Variants in OLFML1 observed in about 807,000 individuals in gnomAD.
OLFML1 encodes olfactomedin-like protein 1.
A neutral mutation model predicts 37.3 loss-of-function variants in OLFML1; 33 were observed. The ratio of observed to expected loss-of-function variants is 0.88; its 90% confidence interval spans 0.67 to 1.18. The LOEUF (loss-of-function observed/expected upper bound fraction) is 1.18. Among genes scored for constraint, OLFML1 ranks in the 50% most tolerant of loss-of-function variants. The probability of loss-of-function intolerance (pLI) is 0.00; values close to 1 mark genes in which losing one functional copy is unlikely to be tolerated. For missense variants in OLFML1, 545 were observed against 483.7 expected, an observed-to-expected ratio of 1.13 and a Z score of -1.19; for synonymous variants, 186 against 181.3, an observed-to-expected ratio of 1.03 and a Z score of -0.21.
chr11:7,492,903 A>G (rs573652592), intron 2 of OLFML1, among the ~76,000 whole-genome samples: 2 of 152,334 alleles, frequency 1.3e-5, no homozygotes, highest in East Asian at 3.9e-4. Flanking sequence ...TTGATAATTT[A>G]TGACAAAGAA....
At chr11:7,491,305 C>T (rs1848594631) in intron 2 of OLFML1, among the ~76,000 whole-genome samples, 1 of 152,110 alleles carries the variant, frequency 6.6e-6, no homozygotes, top group Admixed American at 6.5e-5. Flanking sequence ...TCTCACATAT[C>T]CGACCACACA....
At chr11:7,492,968 C>G (rs1848616603) in intron 2 of OLFML1, among the ~76,000 whole-genome samples, 1 of 152,136 alleles carries the variant, frequency 6.6e-6, no homozygotes, top group Admixed American at 6.5e-5. Flanking sequence ...GTCTGATACT[C>G]TTTGGAAGAT....
At chr11:7,491,377 T>C (rs151191962) in intron 2 of OLFML1, among the ~76,000 whole-genome samples, 3 of 152,152 alleles carry the variant, frequency 2.0e-5, no homozygotes, top group African/African-American at 7.2e-5. Context: ...CTTTTCTGCA[T>C]TCACAGAGCC....
chr11:7,486,465 T>A (rs1223085282), intron 1 of OLFML1, among the ~76,000 whole-genome samples: 1 of 152,248 alleles, frequency 6.6e-6, no homozygotes, highest in Non-Finnish European at 1.5e-5. Flanking sequence ...TTGTCTTTTA[T>A]GATAAACCAT....
chr11:7,494,396 A>G (rs1258668806), intron 2 of OLFML1, among the ~76,000 whole-genome samples: 2 of 152,226 alleles, frequency 1.3e-5, no homozygotes, highest in African/African-American at 4.8e-5. Flanking sequence ...TAAGCATTTT[A>G]CCTATCTCAC....
At chr11:7,499,244 G>A (rs542786432) in intron 2 of OLFML1, among the ~76,000 whole-genome samples, 26 of 152,354 alleles carry the variant, frequency 1.7e-4, no homozygotes, top group Non-Finnish European at 2.9e-5. Flanking sequence ...AATTCTGCCT[G>A]AGGGGGAAAC....
intron 2 of OLFML1, among the ~76,000 whole-genome samples, chr11:7,496,764 A>G (rs1848666891): frequency 6.6e-6 from 1 of 152,210 alleles, no homozygotes; most frequent in South Asian, 2.1e-4. Context: ...AATAAAAATG[A>G]GAAGTTCGTA....
Position 7,510,906 on chromosome 11 carries a change from A to C in OLFML1, c.*718A>C, listed in dbSNP as rs2134191317. 6.6e-6 allele frequency: 1 copy of C among 152,364 alleles called. No individual in the cohort carries two copies. 9.4% of individuals were successfully genotyped at this position (152,364 alleles called of 1,614,324 possible). ...AATAAAGTGAAAATATTAACATTTGAATATCGCTTTCCAGGTGTGGAGTGT... is the reference window on the plus strand; with the variant it reads ...AATAAAGTGAAAATATTAACATTTGCATATCGCTTTCCAGGTGTGGAGTGT... On this transcript the variant is annotated 3_prime_UTR_variant, in exon 3 of 3. Coordinates refer to ENST00000329293, the MANE Select transcript of OLFML1 (RefSeq NM_198474.4).
intron 2 of OLFML1, among the ~76,000 whole-genome samples, chr11:7,499,779 CA>C (rs776563215): frequency 7.2e-5 from 11 of 152,294 alleles, no homozygotes; most frequent in Non-Finnish European, 1.5e-4. Flanking sequence ...GTTATTTCTC[CA>C]AGGGTTCTGC....
At chr11:7,504,332 G>A (rs180981912) in intron 2 of OLFML1, among the ~76,000 whole-genome samples, 1 of 152,166 alleles carries the variant, frequency 6.6e-6, no homozygotes, top group Non-Finnish European at 1.5e-5. Flanking sequence ...TAGGGGACAA[G>A]GAGAGGGAGA....
At chr11:7,493,885 A>ATGT (rs139976124) in intron 2 of OLFML1, among the ~76,000 whole-genome samples, 14,752 of 152,282 alleles carry the variant, frequency 0.097, 938 homozygotes, top group Non-Finnish European at 0.15. Context: ...TAGAGATAGA[A>ATGT]TGTTGGACAG....
chr11:7,506,773 TGA>T (rs1436247202), intron 2 of OLFML1, among the ~76,000 whole-genome samples: 1 of 151,926 alleles, frequency 6.6e-6, no homozygotes, highest in Non-Finnish European at 1.5e-5. Context: ...AGAATGCTGG[TGA>T]GAGAGCTATT....
chr11:7,490,432 A>G (rs555532077), intron 2 of OLFML1, among the ~76,000 whole-genome samples: 16 of 152,292 alleles, frequency 1.1e-4, no homozygotes, highest in Admixed American at 7.2e-4. Flanking sequence ...TTCAGGCAGG[A>G]CGCTAAGTCT....
chr11:7,507,699 C>T (rs149221682), intron 2 of OLFML1, among the ~76,000 whole-genome samples: 2,284 of 152,200 alleles, frequency 0.015, 36 homozygotes, highest in Middle Eastern at 0.031. Flanking sequence ...CCGGCATGTG[C>T]TACCACACCC....
At chr11:7,489,630 A>G (rs1395358582) in intron 2 of OLFML1, among the ~76,000 whole-genome samples, 1 of 152,180 alleles carries the variant, frequency 6.6e-6, no homozygotes, top group African/African-American at 2.4e-5. Context: ...GAATGCTGCA[A>G]TGATTTGGGC....
rs750223783 is a variant in OLFML1 at position 7,509,805 on chromosome 11, G to A, written c.826G>A (p.Glu276Lys). The A allele has an allele frequency of 6.2e-6, 10 of 1,614,252 alleles. No homozygotes were observed. Among genetic ancestry groups the A allele is most frequent in the Non-Finnish European group, 7.6e-6 (9 of 1,180,046 alleles). ...AACTTACATTGACCTGGCTGTGGAT[G>A]AGCATGGGCTCTGGGCCATCCACTC... ...PSTYIDLAVD[E>K]HGLWAIHSGP... The change falls in exon 3 of 3, where the codon GAG (glutamate) becomes AAG (lysine). Residue 276 changes from glutamate to lysine, a missense_variant. Glu to Lys is a moderately conservative substitution (Grantham distance 56). Coordinates refer to ENST00000329293, the MANE Select transcript of OLFML1 (RefSeq NM_198474.4).
intron 2 of OLFML1, among the ~76,000 whole-genome samples, chr11:7,492,578 T>C (rs769793141): frequency 3.3e-5 from 5 of 152,206 alleles, no homozygotes; most frequent in Non-Finnish European, 5.9e-5. Flanking sequence ...TAAGATAAAA[T>C]TGTTCTATAA....
rs1377487573 is a variant in OLFML1, at chr11:7,510,968, A to G, written c.*780A>G. ...TTAATTCTCGTTTCACCTTTGTGAA[A>G]CATGCACAAGTCTTTACAGCTGTCA... On this transcript the variant is annotated 3_prime_UTR_variant, in exon 3 of 3. Transcript: ENST00000329293. The G allele has an allele frequency of 6.6e-6, 1 of 152,230 alleles. No homozygotes were observed. The highest frequency in any genetic ancestry group is 1.5e-5 in the Non-Finnish European group (1 of 68,044). 9.4% of individuals were successfully genotyped at this position (152,230 alleles called of 1,614,324 possible).
Position 7,509,848 on chromosome 11 carries a change from G to T in OLFML1, c.869G>T (p.Ser290Ile). Residue 290 changes from serine (S) to isoleucine (I), a missense_variant, in exon 3 of 3, where the codon AGC becomes ATC. By Grantham distance (142) the Ser-to-Ile change is moderately radical. Transcript: ENST00000329293. ...ATCCACTCTGGGCCAGGCACCCATA[G>T]CCATTTGGTTCTCACAAAGATTGAG... Reference protein sequence around the residue: ...WAIHSGPGTHSHLVLTKIEPG... With the variant: ...WAIHSGPGTHIHLVLTKIEPG... The T allele has an allele frequency of 6.2e-7, 1 of 1,614,242 alleles. No individual in the cohort carries two copies. The highest frequency in any genetic ancestry group is 8.5e-7 in the Non-Finnish European group (1 of 1,180,042).
Sources: gnomAD v4.1 joint callset for allele counts (sites outside exome capture counted in the v4.1 genomes callset) on GRCh38, gnomAD v4.1.1 for gene constraint, MANE v1.5 for transcripts, NCBI Gene and HGNC (gene_info 2026-07-23, HGNC 2026-07-21) for gene names.